PRDM11: variants seen among roughly 807,000 people sequenced by gnomAD.
The protein encoded by PRDM11 is PR/SET domain 11, also known as PR domain-containing protein 11.
Under a neutral mutation model 97.8 loss-of-function variants are expected in PRDM11, and 20 were observed. The observed-to-expected ratio is 0.20, with a 90% CI of 0.14 to 0.30. The LOEUF is 0.30. Ranked by LOEUF, PRDM11 falls within the 10% of genes least tolerant of loss-of-function variation. The pLI, the probability that PRDM11 is intolerant of heterozygous loss-of-function variation, is 1.00. For missense variants in PRDM11, 1,139 were observed against 1,555.2 expected, an observed-to-expected ratio of 0.73 and a Z score of 4.50; for synonymous variants, 599 against 637.7, an observed-to-expected ratio of 0.94 and a Z score of 0.91.
intron 1 of PRDM11, among the ~76,000 whole-genome samples, chr11:45,099,702 T>C (rs1219047853): frequency 6.6e-6 from 1 of 152,206 alleles, no homozygotes; most frequent in East Asian, 1.9e-4. Flanking sequence ...CATTTATTCT[T>C]TGTGTTATAA....
chr11:45,195,798 A>AG (rs1853102748), intron 4 of PRDM11, among the ~76,000 whole-genome samples: 1 of 148,398 alleles, frequency 6.7e-6, no homozygotes, highest in African/African-American at 2.5e-5. Context: ...CTCGTCTTGA[A>AG]CTCCTAGCCT....
At position 45,231,884 on chromosome 11, in the gene PRDM11, C is replaced by A. The variant is rs2135868845; in HGVS notation, c.*3725C>A. 1 of 152,148 alleles carries A rather than the reference C, an allele frequency of 6.6e-6. No homozygotes were observed. Among genetic ancestry groups the A allele is most frequent in the Admixed American group, 6.5e-5 (1 of 15,290 alleles). The allele number at this position is 152,148 out of a possible 1,614,324, so 9.4% of individuals were successfully genotyped here. ...TTTTCTAATGACTGGCCTATGACAC[C>A]TTGTGATGCTAGGCACATCCTCATT... On this transcript the variant is annotated 3_prime_UTR_variant, in exon 8 of 8. Coordinates refer to ENST00000683152, the MANE Select transcript of PRDM11 (RefSeq NM_001384648.1).
Position 45,234,898 on chromosome 11 carries a change from A to G in PRDM11, c.*6739A>G, listed in dbSNP as rs1440610565. ...GAAATACCTAGGAGTCTATTATCAC[A>G]TACATATTAATATGTTAATACTTTC... On this transcript the variant is annotated 3_prime_UTR_variant, in exon 8 of 8. Transcript: ENST00000683152. 1.3e-5 allele frequency: 2 copies of G among 152,150 alleles called. No individual in the cohort carries two copies. Among genetic ancestry groups the G allele is most frequent in the African/African-American group, 4.8e-5 (2 of 41,426 alleles). The allele number at this position is 152,150 out of a possible 1,614,324, so 9.4% of individuals were successfully genotyped here. A position where few individuals can be genotyped will look rare whatever the true frequency, so the allele number is the denominator to read the frequency against.
At chr11:45,190,354 C>T (rs1203056399) in intron 4 of PRDM11, among the ~76,000 whole-genome samples, 5 of 151,976 alleles carry the variant, frequency 3.3e-5, no homozygotes, top group African/African-American at 7.2e-5. Context: ...TACTGTGTTA[C>T]CCAGGCTGGT....
intron 1 of PRDM11, among the ~76,000 whole-genome samples, chr11:45,170,708 G>A (rs567454611): frequency 6.6e-6 from 1 of 152,206 alleles, no homozygotes; most frequent in Non-Finnish European, 1.5e-5. Flanking sequence ...GAGGGCACTT[G>A]ACCTGCCTTA....
At chr11:45,170,764 G>T (rs550360375) in intron 1 of PRDM11, among the ~76,000 whole-genome samples, 1 of 152,308 alleles carries the variant, frequency 6.6e-6, no homozygotes, top group African/African-American at 2.4e-5. Context: ...ATGGACAGTA[G>T]GGGTAGAGTG....
chr11:45,117,734 A>G (rs1402834242), intron 1 of PRDM11, among the ~76,000 whole-genome samples: 1 of 152,204 alleles, frequency 6.6e-6, no homozygotes, highest in Non-Finnish European at 1.5e-5. Context: ...GTGATAGAGC[A>G]AGATGCCATC....
At chr11:45,211,051 GCCCT>G (rs933580994) in intron 5 of PRDM11, among the ~76,000 whole-genome samples, 7 of 152,338 alleles carry the variant, frequency 4.6e-5, no homozygotes, top group African/African-American at 1.4e-4. Context: ...CAGGCTCACA[GCCCT>G]CCTTTTCCTG....
rs1854448664 is a variant in PRDM11 at position 45,233,861 on chromosome 11, G to T, written c.*5702G>T. 6.6e-6 allele frequency: 1 copy of T among 152,336 alleles called. No individual in the cohort carries two copies. Among genetic ancestry groups the T allele is most frequent in the African/African-American group, 2.4e-5 (1 of 41,480 alleles). 9.4% of individuals were successfully genotyped at this position (152,336 alleles called of 1,614,324 possible). On this transcript the variant is annotated 3_prime_UTR_variant, in exon 8 of 8. Transcript: ENST00000683152. Reference sequence around the variant, plus strand: ...AGTCCAGAAGCAGGGCTTTGGCCCAGCCCGCTCCGCGCAGCAGCTGCTGCT... The same window carrying T: ...AGTCCAGAAGCAGGGCTTTGGCCCATCCCGCTCCGCGCAGCAGCTGCTGCT...
intron 1 of PRDM11, among the ~76,000 whole-genome samples, chr11:45,148,192 C>T (rs909740714): frequency 3.1e-4 from 47 of 152,260 alleles, no homozygotes; most frequent in African/African-American, 1.1e-3. Context: ...AGAGCCCAGA[C>T]CTCTTGCTGT....
Position 45,232,267 on chromosome 11 carries a change from T to G in PRDM11, c.*4108T>G. 6.6e-6 allele frequency: 1 copy of G among 152,212 alleles called. No homozygotes were observed. Among genetic ancestry groups the G allele is most frequent in the East Asian group, 1.9e-4 (1 of 5,188 alleles). The allele number at this position is 152,212 out of a possible 1,614,324, so 9.4% of individuals were successfully genotyped here. A position where few individuals can be genotyped will look rare whatever the true frequency, so the allele number is the denominator to read the frequency against. ...CGGCACTGAGGGGCTGGTGCCATGT[T>G]ACTTGATCACCTGGAGCCTGATGGG... On this transcript the variant is annotated 3_prime_UTR_variant, in exon 8 of 8. Coordinates refer to ENST00000683152, the MANE Select transcript of PRDM11 (RefSeq NM_001384648.1).
At chr11:45,099,040 T>A (rs1851928147) in intron 1 of PRDM11, among the ~76,000 whole-genome samples, 1 of 151,990 alleles carries the variant, frequency 6.6e-6, no homozygotes, top group Admixed American at 6.5e-5. Context: ...GCAGGAGGGA[T>A]GTCTAGCCAG....
chr11:45,182,967 GCTCA>G lies in PRDM11; in HGVS notation c.332_335del (p.Leu111ProfsTer21). 1.2e-6 allele frequency: 2 copies of G among 1,614,014 alleles called. No individual in the cohort carries two copies. Among genetic ancestry groups the G allele is most frequent in the Non-Finnish European group, 1.7e-6 (2 of 1,180,006 alleles). ...CCGTGGGCATCCCAGACCGGGCGGCGCTCACCATCCCACAGGGCATGGAGGTGGT... is the reference window on the plus strand; with the variant it reads ...CCGTGGGCATCCCAGACCGGGCGGCGCCATCCCACAGGGCATGGAGGTGGT... On this transcript the variant is annotated frameshift_variant, in exon 4 of 8. Coordinates refer to ENST00000683152, the MANE Select transcript of PRDM11 (RefSeq NM_001384648.1). LOFTEE classifies it high-confidence loss of function.
chr11:45,108,662 G>A (rs1374741709), intron 1 of PRDM11, among the ~76,000 whole-genome samples: 1 of 152,150 alleles, frequency 6.6e-6, no homozygotes, highest in Non-Finnish European at 1.5e-5. Context: ...AGGGAATGTG[G>A]TGCCCAGAGG....
At chr11:45,213,096 C>T (rs756551945) in intron 5 of PRDM11, 22 of 454,360 alleles carry the variant, frequency 4.8e-5, no homozygotes, top group South Asian at 3.1e-4. Flanking sequence ...TGTCTGGCCT[C>T]ACAACAGGGG....
chr11:45,157,157 T>G (rs1438831897), intron 1 of PRDM11, among the ~76,000 whole-genome samples: 1 of 151,838 alleles, frequency 6.6e-6, no homozygotes, highest in Non-Finnish European at 1.5e-5. Context: ...CATGGCTGAG[T>G]AGGTGGCTTA....
chr11:45,153,156 G>A (rs1851701932), intron 1 of PRDM11, among the ~76,000 whole-genome samples: 1 of 152,240 alleles, frequency 6.6e-6, no homozygotes, highest in South Asian at 2.1e-4. Flanking sequence ...GAGGCCAGTT[G>A]TTTCCCCGAG....
At chr11:45,127,878 G>A (rs1252983202) in intron 1 of PRDM11, among the ~76,000 whole-genome samples, 3 of 152,240 alleles carry the variant, frequency 2.0e-5, no homozygotes, top group African/African-American at 7.2e-5. Context: ...TCTCTTCAAA[G>A]CTGTCAGATA....
intron 5 of PRDM11, chr11:45,213,224 C>A: frequency 2.2e-6 from 1 of 456,562 alleles, no homozygotes; most frequent in Non-Finnish European, 4.4e-6. Flanking sequence ...GTATTCAGAC[C>A]CGCACCCTCA....
Sources: allele counts gnomAD v4.1 joint callset (sites outside exome capture counted in the v4.1 genomes callset), GRCh38; gene constraint gnomAD v4.1.1; transcripts MANE v1.5; gene names NCBI Gene and HGNC (gene_info 2026-07-23, HGNC 2026-07-21).